ROR2: variants seen among roughly 807,000 people sequenced by gnomAD.
The protein encoded by ROR2 is tyrosine-protein kinase transmembrane receptor ROR2.
ROR2 carries 33 observed loss-of-function variants against 74.9 expected under a neutral mutation model. That is an observed-to-expected ratio of 0.44 (90% CI 0.33 to 0.59). The LOEUF (loss-of-function observed/expected upper bound fraction) is 0.59. Ranked by LOEUF, ROR2 falls within the 20% of genes least tolerant of loss-of-function variation. ROR2 has a pLI of 0.02. For synonymous variants in ROR2, 586 were observed against 558.7 expected, an observed-to-expected ratio of 1.05 and a Z score of -0.69; for missense variants, 1,216 against 1,313.8, an observed-to-expected ratio of 0.93 and a Z score of 1.15.
At chr9:91,798,326 C>G (rs1367570272) in intron 1 of ROR2, among the ~76,000 whole-genome samples, 2 of 141,528 alleles carry the variant, frequency 1.4e-5, no homozygotes, top group African/African-American at 5.5e-5. Context: ...GCGGCTGACG[C>G]CCTGGGCTAG....
At chr9:91,739,979 A>C (rs1201739864) in intron 4 of ROR2, among the ~76,000 whole-genome samples, 1 of 152,210 alleles carries the variant, frequency 6.6e-6, no homozygotes, top group African/African-American at 2.4e-5. Flanking sequence ...ATGCCTGATC[A>C]GATTAATGTC....
At position 91,905,320 on chromosome 9, in the gene ROR2, C is replaced by A. The variant is rs1330036186; in HGVS notation, c.97+44547G>T. ...ACACACCAGACACACCACACACATA[C>A]AATCATACCACACAACACATACACA... On this transcript the variant is annotated intron_variant, in intron 1 of 8. Transcript: ENST00000375708. This position sits in a 1 kb window ranked among gnomAD's most constrained non-coding sequence, Gnocchi z 5.3. Among the ~76,000 whole-genome samples, 1 of 151,594 alleles carries A rather than the reference C, an allele frequency of 6.6e-6. No homozygotes were observed. Among genetic ancestry groups the A allele is most frequent in the Non-Finnish European group, 1.5e-5 (1 of 67,860 alleles).
intron 1 of ROR2, among the ~76,000 whole-genome samples, chr9:91,935,462 C>A (rs548484791): frequency 3.7e-4 from 56 of 152,364 alleles, no homozygotes; most frequent in Admixed American, 1.8e-3. Context: ...ACAGCCTCCC[C>A]AGGAGACCAG....
At chr9:91,871,044 T>G (rs1388787627) in intron 1 of ROR2, among the ~76,000 whole-genome samples, 1 of 152,236 alleles carries the variant, frequency 6.6e-6, no homozygotes, top group East Asian at 1.9e-4. Flanking sequence ...GAGGCAGAAA[T>G]GTCCAGGTTT....
chr9:91,751,656 G>A (rs1242990242), intron 4 of ROR2, among the ~76,000 whole-genome samples: 2 of 152,108 alleles, frequency 1.3e-5, no homozygotes, highest in African/African-American at 2.4e-5. Flanking sequence ...CAGGTATCTG[G>A]TACTCATGTG....
intron 1 of ROR2, among the ~76,000 whole-genome samples, chr9:91,834,482 C>T (rs1052545407): frequency 1.6e-4 from 25 of 152,320 alleles, no homozygotes; most frequent in Non-Finnish European, 1.8e-4. Flanking sequence ...TTAACTCTAG[C>T]CATGGCAGAA....
chr9:91,725,046 C>T lies in ROR2; in HGVS notation c.1448G>A (p.Arg483Gln), dbSNP rs767474960. 118 of 1,614,044 alleles carry T rather than the reference C, an allele frequency of 7.3e-5. 1 individual carries two copies. The East Asian group carries it at 1.9e-3, about 26-fold the overall frequency. The change falls in exon 9 of 9, where the codon CGG (arginine) becomes CAG (glutamine). Residue 483 changes from arginine (R) to glutamine (Q), a missense_variant. Transcript: ENST00000375708. ...GTGACCTTTGTAGACTTTCCCAAAC[C>T]GGTCCTCTCCCAGCTCCTCCATGAA... ...VRFMEELGEDRFGKVYKGHLF... is the reference protein window; with the variant it reads ...VRFMEELGEDQFGKVYKGHLF...
chr9:91,888,249 C>T (rs1292356604), intron 1 of ROR2, among the ~76,000 whole-genome samples: 1 of 152,134 alleles, frequency 6.6e-6, no homozygotes, highest in Non-Finnish European at 1.5e-5. Flanking sequence ...AAGGTCTCCT[C>T]CTAGTGAACT....
chr9:91,898,212 G>C (rs1481527329), intron 1 of ROR2, among the ~76,000 whole-genome samples: 4 of 152,224 alleles, frequency 2.6e-5, no homozygotes, highest in African/African-American at 9.6e-5. Flanking sequence ...CTTGTGTCCA[G>C]AGCCTTTCTA....
At chr9:91,921,429 G>C (rs1186624898) in intron 1 of ROR2, among the ~76,000 whole-genome samples, 1 of 152,192 alleles carries the variant, frequency 6.6e-6, no homozygotes, top group African/African-American at 2.4e-5. Context: ...GAATGCAGAG[G>C]CTGTGGAAAT....
intron 1 of ROR2, among the ~76,000 whole-genome samples, chr9:91,826,416 T>C (rs1828291813): frequency 6.6e-6 from 1 of 152,108 alleles, no homozygotes; most frequent in South Asian, 2.1e-4. Flanking sequence ...CAAAAAGAAA[T>C]ATACTGGTTA....
intron 4 of ROR2, among the ~76,000 whole-genome samples, chr9:91,752,360 A>G (rs1825618986): frequency 6.6e-6 from 1 of 152,222 alleles, no homozygotes; most frequent in African/African-American, 2.4e-5. Flanking sequence ...GAATGGATAA[A>G]TCAACGCGTA....
Position 91,725,032 on chromosome 9 carries a change from A to T in ROR2, c.1462T>A (p.Tyr488Asn). The T allele has an allele frequency of 6.2e-7, 1 of 1,614,022 alleles. No individual in the cohort carries two copies. The highest frequency in any genetic ancestry group is 8.5e-7 in the Non-Finnish European group (1 of 1,180,036). Residue 488 changes from tyrosine (Y) to asparagine (N), a missense_variant, in exon 9 of 9, where the codon TAC becomes AAC. Coordinates refer to ENST00000375708, the MANE Select transcript of ROR2 (RefSeq NM_004560.4). ...GCAGGGCCGAACAGGTGACCTTTGT[A>T]GACTTTCCCAAACCGGTCCTCTCCC... ...ELGEDRFGKV[Y>N]KGHLFGPAPG... is the part of the protein sequence containing the mutation.
At chr9:91,915,957 G>A (rs981672550) in intron 1 of ROR2, among the ~76,000 whole-genome samples, 5 of 152,298 alleles carry the variant, frequency 3.3e-5, no homozygotes, top group Admixed American at 6.5e-5. Context: ...AGGGGCAGGC[G>A]AGGCAAAGAC....
chr9:91,870,573 G>A (rs984010574), intron 1 of ROR2, among the ~76,000 whole-genome samples: 1 of 152,162 alleles, frequency 6.6e-6, no homozygotes, highest in African/African-American at 2.4e-5. Flanking sequence ...TCCCTAGCAC[G>A]TGTCCCATAT....
In ROR2 at chr9:91,742,849, G is replaced by T. The variant is rs528559779; in HGVS notation, c.495-5331C>A. ...TTCCAGTCCTGCAAGCTCCATTCAT[G>T]GTAAGTGCCCTATGTAAGTGTACCA... On this transcript the variant is annotated intron_variant, in intron 4 of 8. Coordinates refer to ENST00000375708, the MANE Select transcript of ROR2 (RefSeq NM_004560.4). Among the ~76,000 whole-genome samples, 4 of 152,242 alleles carry T rather than the reference G, an allele frequency of 2.6e-5. No homozygotes were observed. The South Asian group carries it at 8.3e-4, about 32-fold the overall frequency.
chr9:91,772,241 G>C (rs773317464), intron 2 of ROR2, among the ~76,000 whole-genome samples: 1 of 152,148 alleles, frequency 6.6e-6, no homozygotes, highest in Non-Finnish European at 1.5e-5. Context: ...TGAGACTTCT[G>C]GGGGGCAGTT....
chr9:91,840,918 C>T (rs1828764000), intron 1 of ROR2, among the ~76,000 whole-genome samples: 1 of 152,228 alleles, frequency 6.6e-6, no homozygotes, highest in Non-Finnish European at 1.5e-5. Flanking sequence ...ACATGTGAGA[C>T]CATTATAGAT....
At chr9:91,864,490 T>C (rs1829569112) in intron 1 of ROR2, among the ~76,000 whole-genome samples, 1 of 152,218 alleles carries the variant, frequency 6.6e-6, no homozygotes, top group Non-Finnish European at 1.5e-5. Context: ...CTACACAATC[T>C]TAATTATGAC....
Sources: allele counts gnomAD v4.1 joint callset (sites outside exome capture counted in the v4.1 genomes callset), GRCh38; gene constraint gnomAD v4.1.1; non-coding constraint Gnocchi (gnomAD v3.1); transcripts MANE v1.5; gene names NCBI Gene and HGNC (gene_info 2026-07-23, HGNC 2026-07-21).